The following MCOLN3 variants were observed in gnomAD, a reference collection of about 807,000 sequenced individuals.
The protein encoded by MCOLN3 is mucolipin TRP cation channel 3.
MCOLN3 carries 62 observed loss-of-function variants against 69.4 expected under a neutral mutation model. The ratio of observed to expected loss-of-function variants is 0.89; its 90% CI spans 0.73 to 1.10. The LOEUF (loss-of-function observed/expected upper bound fraction) is 1.10, where lower values mean the gene tolerates loss of function less well. Among genes scored for constraint, MCOLN3 ranks in the 50% least tolerant of loss-of-function variants. The pLI, the probability that MCOLN3 is intolerant of heterozygous loss-of-function variation, is 0.00. For missense variants in MCOLN3, 564 were observed against 656.4 expected (o/e 0.86, Z 1.54); for synonymous variants, 183 against 217.0 (o/e 0.84, Z 1.38).
At chr1:85,033,967 T>C (rs1485053039) in intron 4 of MCOLN3, 131 bp downstream of exon 4, 1 of 983,478 alleles carries the variant, frequency 1.0e-6, no homozygotes, top group Non-Finnish European at 1.5e-6. Flanking sequence ...TGACACATAA[T>C]AACTCGTATA....
intron 3 of MCOLN3, among the ~76,000 whole-genome samples, chr1:85,037,246 G>A (rs1176361288): frequency 2.6e-5 from 4 of 152,196 alleles, no homozygotes; most frequent in African/African-American, 9.7e-5. Context: ...AATAATGCTG[G>A]AGATACTCAG....
chr1:85,048,046 C>T (rs894387628), intron 1 of MCOLN3, among the ~76,000 whole-genome samples: 3 of 152,252 alleles, frequency 2.0e-5, no homozygotes, highest in African/African-American at 2.4e-5. Context: ...AGCCTTCCAG[C>T]CCAGGGGCTC....
intron 4 of MCOLN3, 33 bp from the exon 5 acceptor site, chr1:85,032,989 T>C (rs373227901): frequency 5.1e-6 from 8 of 1,573,526 alleles, no homozygotes; most frequent in Non-Finnish European, 7.0e-6. Flanking sequence ...CATGATACAG[T>C]ACTTAAATAA....
chr1:85,022,244 G>A, intron 10 of MCOLN3, 52 bp from the exon 11 acceptor site: 1 of 1,613,852 alleles, frequency 6.2e-7, no homozygotes, highest in Non-Finnish European at 8.5e-7. Context: ...AGCCAAAGCA[G>A]TGCAATAACT....
chr1:85,029,942 A>G (rs1425287379), intron 6 of MCOLN3: 4 of 152,254 alleles, frequency 2.6e-5, no homozygotes, highest in Admixed American at 2.0e-4. Flanking sequence ...AAGTTCTTTG[A>G]AAACTTTGTC....
At position 85,032,726 on chromosome 1, in the gene MCOLN3, T is replaced by C; in HGVS notation, c.702A>G (p.Glu234=). The C allele has an allele frequency of 1.2e-6, 2 of 1,613,664 alleles. No homozygotes were observed. Among genetic ancestry groups the C allele is most frequent in the South Asian group, 2.2e-5 (2 of 91,072 alleles). Residue 234 remains glutamate (E), a synonymous_variant, in exon 6 of 13, where the codon GAA becomes GAG. Transcript: ENST00000370589. The part of the protein sequence containing the change: ...AINLQTVRHQ[E]LPDCYDFTLT... ...GAGTAAAGTCATAACAGTCAGGGAGTTCTTGATGACGAACTGTCTGCAGAT... is the reference window on the plus strand; with the variant it reads ...GAGTAAAGTCATAACAGTCAGGGAGCTCTTGATGACGAACTGTCTGCAGAT...
chr1:85,035,154 C>G (rs1195416897), intron 3 of MCOLN3, among the ~76,000 whole-genome samples: 1 of 152,180 alleles, frequency 6.6e-6, no homozygotes. Flanking sequence ...TTGAATGCTC[C>G]TCCTACACGG....
At chr1:85,019,352 T>C in intron 12 of MCOLN3, 95 bp from the exon 13 acceptor site, 1 of 1,213,706 alleles carries the variant, frequency 8.2e-7, no homozygotes, top group Non-Finnish European at 1.2e-6. Flanking sequence ...AGGGAGGGGG[T>C]TTTCTAGAGA....
At chr1:85,028,457 T>C (rs1485934578) in intron 7 of MCOLN3, among the ~76,000 whole-genome samples, 3 of 152,326 alleles carry the variant, frequency 2.0e-5, no homozygotes, top group East Asian at 3.9e-4. Context: ...CTAGCGACCA[T>C]TAAGTCCAGT....
At position 85,045,159 on chromosome 1, in the gene MCOLN3, G is replaced by T. The variant is rs1435723769; in HGVS notation, c.202C>A (p.Leu68Ile). ...TGGATAGTCACCATTGCAATTTTTAGAATTTGTATGGCAAGTTTCCATGGT... is the reference window on the plus strand; with the variant it reads ...TGGATAGTCACCATTGCAATTTTTATAATTTGTATGGCAAGTTTCCATGGT... ...RKPWKLAIQI[L>I]KIAMVTIQLV... The change falls in exon 2 of 13, where the codon CTA (leucine) becomes ATA (isoleucine). Residue 68 changes from leucine (L) to isoleucine (I), a missense_variant. Leu to Ile is a conservative substitution (Grantham distance 5). Coordinates refer to ENST00000370589, the MANE Select transcript of MCOLN3 (RefSeq NM_018298.11). 1 of 1,613,788 alleles carries T rather than the reference G, an allele frequency of 6.2e-7. No individual in the cohort carries two copies. The highest frequency in any genetic ancestry group is 8.5e-7 in the Non-Finnish European group (1 of 1,179,936).
chr1:85,022,459 A>G, intron 9 of MCOLN3, 59 bp from the exon 10 acceptor site: 1 of 1,246,136 alleles, frequency 8.0e-7, no homozygotes. Context: ...TTGGCAATAA[A>G]TATTGAGGTA....
At chr1:85,024,713 A>G (rs1571092495) in intron 9 of MCOLN3, 1 of 152,332 alleles carries the variant, frequency 6.6e-6, no homozygotes, top group Non-Finnish European at 1.5e-5. Flanking sequence ...TTTAGGGTTC[A>G]CTGAAATTAA....
intron 7 of MCOLN3, among the ~76,000 whole-genome samples, chr1:85,028,888 G>A (rs1396756184): frequency 6.6e-6 from 1 of 152,152 alleles, no homozygotes; most frequent in Non-Finnish European, 1.5e-5. Context: ...TTGGTCAGGA[G>A]TGGGCAAGTG....
chr1:85,036,866 AC>A (rs1652826638), intron 3 of MCOLN3: 1 of 152,122 alleles, frequency 6.6e-6, no homozygotes, highest in South Asian at 2.1e-4. Context: ...ACTTATCATT[AC>A]CCTAAACCAA....
At position 85,040,846 on chromosome 1, in the gene MCOLN3, T is replaced by G. The variant is rs148442586; in HGVS notation, c.396+164A>C. Among the ~76,000 whole-genome samples the G allele has an allele frequency of 6.7e-3, 1,024 of 152,332 alleles. 5 individuals carry two copies. Among genetic ancestry groups the G allele is most frequent in the Non-Finnish European group, 0.013 (863 of 68,034 alleles). On this transcript the variant is annotated intron_variant, in intron 3 of 12. Coordinates refer to ENST00000370589, the MANE Select transcript of MCOLN3 (RefSeq NM_018298.11). Reference sequence around the variant, plus strand: ...CTCAACTTCTGGTTTTATAAAAATTTGTTGACAATATTTTTAAAAAATTAA... The same window carrying G: ...CTCAACTTCTGGTTTTATAAAAATTGGTTGACAATATTTTTAAAAAATTAA...
At chr1:85,046,498 T>A (rs1653361199) in intron 1 of MCOLN3, among the ~76,000 whole-genome samples, 1 of 152,206 alleles carries the variant, frequency 6.6e-6, no homozygotes, top group South Asian at 2.1e-4. Context: ...ATGAGTAGCG[T>A]CCTTCCATAC....
intron 9 of MCOLN3, among the ~76,000 whole-genome samples, chr1:85,024,260 C>T (rs1318934534): frequency 1.3e-5 from 2 of 152,050 alleles, no homozygotes; most frequent in South Asian, 2.1e-4. Flanking sequence ...AGTAAGTTAG[C>T]GGGAGGAATT....
rs1652387240 is a variant in MCOLN3, at chr1:85,029,259, A to C, written c.733-54T>G. The C allele has an allele frequency of 9.5e-6, 10 of 1,048,508 alleles. No homozygotes were observed. The Admixed American group carries it at 1.8e-4, about 19-fold the overall frequency. The allele number at this position is 1,048,508 out of a possible 1,614,324, so 65.0% of individuals were successfully genotyped here. A position where few individuals can be genotyped will look rare whatever the true frequency, so the allele number is the denominator to read the frequency against. On this transcript the variant is annotated intron_variant, in intron 6 of 12. Coordinates refer to ENST00000370589, the MANE Select transcript of MCOLN3 (RefSeq NM_018298.11). ...ATACTTATAGTTTTGGAGCCAAGAA[A>C]CCTCTACACATTAATTAGGAAACAA...
chr1:85,038,762 G>A (rs1488641266), intron 3 of MCOLN3, among the ~76,000 whole-genome samples: 1 of 152,088 alleles, frequency 6.6e-6, no homozygotes, highest in Non-Finnish European at 1.5e-5. Flanking sequence ...AGGCCAAGGC[G>A]GGCAGATCAC....
Sources: gnomAD v4.1 joint callset for allele counts (sites outside exome capture counted in the v4.1 genomes callset) on GRCh38, gnomAD v4.1.1 for gene constraint, MANE v1.5 for transcripts, NCBI Gene and HGNC (gene_info 2026-07-23, HGNC 2026-07-21) for gene names.